Variants in CEP128 observed in about 807,000 individuals in gnomAD.
The protein encoded by CEP128 is centrosomal protein 128kDa.
A neutral mutation model predicts 156.7 loss-of-function variants in CEP128; 132 were observed. That is an observed-to-expected ratio of 0.84 (90% CI 0.73 to 0.97). CEP128 has a LOEUF of 0.97. CEP128 is among the 50% of genes least tolerant of loss of function. CEP128 has a pLI of 0.00. For missense variants in CEP128, 1,252 were observed against 1,281.9 expected, an observed-to-expected ratio of 0.98 and a Z score of 0.36; for synonymous variants, 469 against 448.9, an observed-to-expected ratio of 1.04 and a Z score of -0.57.
intron 9 of CEP128, among the ~76,000 whole-genome samples, chr14:80,851,032 G>T (rs1256060216): frequency 1.3e-5 from 2 of 152,060 alleles, no homozygotes; most frequent in African/African-American, 2.4e-5. Flanking sequence ...CTGTCTTCAG[G>T]AATGAGAGCA....
chr14:80,609,441 G>GA (rs1892910021), intron 19 of CEP128, among the ~76,000 whole-genome samples: 1 of 152,076 alleles, frequency 6.6e-6, no homozygotes, highest in Admixed American at 6.5e-5. Flanking sequence ...TGAATTTAGG[G>GA]ATCCCATTAT....
At chr14:80,558,581 C>T (rs1301930138) in intron 21 of CEP128, among the ~76,000 whole-genome samples, 1 of 152,170 alleles carries the variant, frequency 6.6e-6, no homozygotes, top group African/African-American at 2.4e-5. Flanking sequence ...AGCCACCGCG[C>T]CTGGCCAATT....
At chr14:80,639,147 T>C (rs1284660329) in intron 19 of CEP128, among the ~76,000 whole-genome samples, 6 of 152,228 alleles carry the variant, frequency 3.9e-5, no homozygotes, top group Admixed American at 3.3e-4. Flanking sequence ...TTATATTCTT[T>C]ATTCTATTTC....
At chr14:80,626,101 A>T (rs1248453988) in intron 19 of CEP128, among the ~76,000 whole-genome samples, 3 of 152,232 alleles carry the variant, frequency 2.0e-5, no homozygotes, top group African/African-American at 7.2e-5. Flanking sequence ...GATTTTAAGG[A>T]TCTTGAGATG....
rs73340530 is a variant in CEP128, at chr14:80,748,017, T to G, written c.2614-4750A>C. Among the ~76,000 whole-genome samples the G allele has an allele frequency of 7.7e-3, 1,175 of 152,320 alleles. 17 individuals carry two copies. Among genetic ancestry groups the G allele is most frequent in the African/African-American group, 0.026 (1,081 of 41,556 alleles). On this transcript the variant is annotated intron_variant, in intron 18 of 24. Transcript: ENST00000555265. ...CATTCTAAATTAACGAATTGTATGA[T>G]ATATGAATTATATCTCAATTAAGCT...
chr14:80,698,695 T>C (rs1896968527), intron 19 of CEP128, among the ~76,000 whole-genome samples: 1 of 152,182 alleles, frequency 6.6e-6, no homozygotes, highest in Admixed American at 6.5e-5. Flanking sequence ...CTGTGGCGCA[T>C]ATGGGAAATT....
chr14:80,952,037 A>G lies in CEP128; in HGVS notation c.-172+6141T>C, dbSNP rs970876175. On this transcript the variant is annotated intron_variant, in intron 2 of 7. Transcript: ENST00000555529. ...CCTGATAGAAATGCAATGAGGGGGA[A>G]AAAAAACAAATCCCCAATTGTAGTA... 2.6e-5 allele frequency among the ~76,000 whole-genome samples: 4 copies of G among 152,096 alleles called. No individual in the cohort carries two copies. The East Asian group carries it at 7.7e-4, about 29-fold the overall frequency.
At chr14:80,523,180 C>T (rs561385289) in intron 23 of CEP128, among the ~76,000 whole-genome samples, 110 of 152,316 alleles carry the variant, frequency 7.2e-4, no homozygotes, top group African/African-American at 2.5e-3. Flanking sequence ...ATAAGAGAAG[C>T]CAGCTGCCAA....
intron 13 of CEP128, among the ~76,000 whole-genome samples, chr14:80,823,297 T>A (rs571193553): frequency 1.3e-5 from 2 of 152,338 alleles, no homozygotes; most frequent in East Asian, 3.9e-4. Context: ...CATTTCGAGA[T>A]TGCGGATCTT....
intron 19 of CEP128, among the ~76,000 whole-genome samples, chr14:80,602,412 C>T (rs1296363436): frequency 6.6e-6 from 1 of 152,196 alleles, no homozygotes; most frequent in Non-Finnish European, 1.5e-5. Context: ...GCAGAATACA[C>T]ATTCTCCCCA....
chr14:80,649,198 G>C (rs1041266098), intron 19 of CEP128, among the ~76,000 whole-genome samples: 4 of 151,984 alleles, frequency 2.6e-5, no homozygotes, highest in South Asian at 4.1e-4. Context: ...CCAAAAGCAA[G>C]CAAAAAGGAC....
chr14:80,647,500 T>A (rs913666318), intron 19 of CEP128, among the ~76,000 whole-genome samples: 2 of 152,110 alleles, frequency 1.3e-5, no homozygotes, highest in African/African-American at 2.4e-5. Context: ...CTAATATTTT[T>A]AAAATAGACT....
intron 18 of CEP128, among the ~76,000 whole-genome samples, chr14:80,747,489 C>A (rs1899160148): frequency 6.6e-6 from 1 of 152,088 alleles, no homozygotes; most frequent in African/African-American, 2.4e-5. Context: ...TGAAAGAAGT[C>A]AATCACAAAA....
At chr14:80,518,951 C>T (rs1888615285) in intron 23 of CEP128, among the ~76,000 whole-genome samples, 1 of 152,116 alleles carries the variant, frequency 6.6e-6, no homozygotes, top group Admixed American at 6.5e-5. Context: ...TAATTCTATA[C>T]TGATAATTAA....
rs1411119603 is a variant in CEP128, at chr14:80,784,996, A to G, written c.2110T>C (p.Leu704=). ...QRELKDLTSS[L]QSVKTKHEQN... ...TCGTGTTTTGTTTTCACACTCTGCA[A>G]TGATGATGTGAGATCTTTCAGCTCC... The change falls in exon 15 of 25, where the codon TTG becomes CTG. Residue 704 remains leucine, a synonymous_variant. Transcript: ENST00000555265. 1.2e-6 allele frequency: 2 copies of G among 1,614,044 alleles called. No homozygotes were observed. Among genetic ancestry groups the G allele is most frequent in the Non-Finnish European group, 8.5e-7 (1 of 1,179,990 alleles).
intron 19 of CEP128, among the ~76,000 whole-genome samples, chr14:80,709,962 A>C (rs1031280372): frequency 7.9e-5 from 12 of 151,808 alleles, no homozygotes; most frequent in Non-Finnish European, 4.4e-5. Flanking sequence ...AAAAATTAAG[A>C]ATAAGAGAGT....
intron 19 of CEP128, among the ~76,000 whole-genome samples, chr14:80,588,121 TG>T (rs1891896310): frequency 6.6e-6 from 1 of 152,158 alleles, no homozygotes; most frequent in Non-Finnish European, 1.5e-5. Context: ...TGTAGATTCC[TG>T]GGTCTACTCT....
chr14:80,760,311 C>A (rs528564671), intron 17 of CEP128, among the ~76,000 whole-genome samples: 1 of 151,948 alleles, frequency 6.6e-6, no homozygotes, highest in South Asian at 2.1e-4. Context: ...GTAAAAATTC[C>A]ATCAACTCTA....
downstream of CEP128, among the ~76,000 whole-genome samples, chr14:80,494,629 C>T (rs561477987): frequency 3.3e-5 from 5 of 152,102 alleles, no homozygotes; most frequent in Admixed American, 6.6e-5. Context: ...TCTACATGTA[C>T]TTTGCATATC....
Sources: gnomAD v4.1 joint callset for allele counts (sites outside exome capture counted in the v4.1 genomes callset) on GRCh38, gnomAD v4.1.1 for gene constraint, MANE v1.5 for transcripts, NCBI Gene and HGNC (gene_info 2026-07-23, HGNC 2026-07-21) for gene names.